The following SLC39A12 variants were observed in gnomAD, a reference collection of about 807,000 sequenced individuals.
SLC39A12 encodes solute carrier family 39 member 12.
A neutral mutation model predicts 71.1 loss-of-function variants in SLC39A12; 63 were observed. That is an observed-to-expected ratio of 0.89 (90% CI 0.72 to 1.09). The LOEUF (loss-of-function observed/expected upper bound fraction) is 1.09. Among genes scored for constraint, SLC39A12 ranks in the 50% least tolerant of loss-of-function variants. The probability of loss-of-function intolerance (pLI) is 0.00; values close to 1 mark genes in which losing one functional copy is unlikely to be tolerated. For missense variants in SLC39A12, 892 were observed against 812.6 expected (o/e 1.10, Z -1.19); for synonymous variants, 351 against 301.3 (o/e 1.16, Z -1.71).
At chr10:18,041,757 GTATACATATGTATACATATGTA>G (rs754301946) in intron 12 of SLC39A12, among the ~76,000 whole-genome samples, 4 of 121,168 alleles carry the variant, frequency 3.3e-5, no homozygotes, top group South Asian at 2.6e-4. Flanking sequence ...GTATATATGT[GTATACATATGTATACATATGTA>G]TATACATATG....
chr10:18,037,289 G>A (rs773948522), intron 12 of SLC39A12, among the ~76,000 whole-genome samples: 2 of 152,168 alleles, frequency 1.3e-5, no homozygotes, highest in African/African-American at 2.4e-5. Flanking sequence ...ATGAAGTGCA[G>A]TGACATTTTT....
rs1305003917 is a variant in SLC39A12 at position 17,953,485 on chromosome 10, A to G, written c.209A>G (p.Glu70Gly). ...AGAAGCCTCATCAAAACATTGTTGG[A>G]GAAAACTGGGTGCCCACGGAGGAGA... ...HSRSLIKTLL[E>G]KTGCPRRRNG... Residue 70 changes from glutamate (E) to glycine (G), a missense_variant, in exon 2 of 13, where the codon GAG (glutamate) becomes GGG (glycine). Coordinates refer to ENST00000377369, the MANE Select transcript of SLC39A12 (RefSeq NM_001145195.2). 6.2e-7 allele frequency: 1 copy of G among 1,614,236 alleles called. No homozygotes were observed. The highest frequency in any genetic ancestry group is 2.2e-5 in the East Asian group (1 of 44,878).
At chr10:18,038,008 G>A (rs938044943) in intron 12 of SLC39A12, among the ~76,000 whole-genome samples, 13 of 101,186 alleles carry the variant, frequency 1.3e-4, no homozygotes, top group East Asian at 3.3e-4. Context: ...GACAGAGTGA[G>A]CCTCCATCTC....
At chr10:17,955,654 A>G (rs145553078) in intron 2 of SLC39A12, among the ~76,000 whole-genome samples, 2,900 of 152,296 alleles carry the variant, frequency 0.019, 66 homozygotes, top group Non-Finnish European at 0.022. Flanking sequence ...AAAAGAGGGA[A>G]GTAGGTATCT....
rs1836917603 is a variant in SLC39A12, at chr10:18,033,685, T to C, written c.1948-9020T>C. ...CTCTGATTTTAGTTATTTCTTGCCT[T>C]CTGCTAGCTTTTGAATGTGTTTGCT... On this transcript the variant is annotated intron_variant, in intron 12 of 12. Coordinates refer to ENST00000377369, the MANE Select transcript of SLC39A12 (RefSeq NM_001145195.2). Among the ~76,000 whole-genome samples, 4 of 143,294 alleles carry C rather than the reference T, an allele frequency of 2.8e-5. No individual in the cohort carries two copies. In the South Asian group the frequency reaches 6.9e-4, roughly 25 times the overall value. 94.0% of individuals were successfully genotyped at this position (143,294 alleles called of 152,430 possible). A position where few individuals can be genotyped will look rare whatever the true frequency, so the allele number is the denominator to read the frequency against.
Position 17,993,185 on chromosome 10 carries a change from G to A in SLC39A12, c.1427G>A (p.Gly476Asp). The A allele has an allele frequency of 1.3e-6, 2 of 1,550,302 alleles. No homozygotes were observed. Among genetic ancestry groups the A allele is most frequent in the Non-Finnish European group, 1.7e-6 (2 of 1,145,958 alleles). The change falls in exon 9 of 13, where the codon GGC (glycine) becomes GAC (aspartate). Residue 476 changes from glycine to aspartate, a missense_variant. Coordinates refer to ENST00000377369, the MANE Select transcript of SLC39A12 (RefSeq NM_001145195.2). ...ILLVSPNDKQ[G>D]LSLVNGHVGH... Reference sequence around the variant, plus strand: ...TTTTAAACCATCCTCATCCAGCAGGGCCTGTCATTGGTTAATGGGCACGTG... The same window carrying A: ...TTTTAAACCATCCTCATCCAGCAGGACCTGTCATTGGTTAATGGGCACGTG...
chr10:18,018,931 C>T (rs986432476), intron 12 of SLC39A12, among the ~76,000 whole-genome samples: 3 of 152,082 alleles, frequency 2.0e-5, no homozygotes, highest in African/African-American at 7.2e-5. Context: ...ATTCCTTCTA[C>T]TTCTATCTTC....
chr10:18,032,846 G>A (rs1836888768), intron 12 of SLC39A12, among the ~76,000 whole-genome samples: 1 of 143,162 alleles, frequency 7.0e-6, no homozygotes, highest in Non-Finnish European at 1.5e-5. Flanking sequence ...TTTATTGAGA[G>A]TTTTTAGCAT....
intron 12 of SLC39A12, among the ~76,000 whole-genome samples, chr10:18,019,588 C>T (rs2130873149): frequency 6.6e-6 from 1 of 152,136 alleles, no homozygotes; most frequent in African/African-American, 2.4e-5. Context: ...TTATCTCACA[C>T]ATTTTGATAA....
chr10:17,995,508 TG>T, intron 9 of SLC39A12, 147 bp from the exon 10 acceptor site: 2 of 656,634 alleles, frequency 3.0e-6, no homozygotes. Flanking sequence ...CTCTACATTG[TG>T]TGTGTCTATG....
chr10:17,973,507 A>C (rs1683552993), intron 4 of SLC39A12, among the ~76,000 whole-genome samples: 1 of 152,112 alleles, frequency 6.6e-6, no homozygotes, highest in African/African-American at 2.4e-5. Context: ...CACAGGATAT[A>C]CTATTCTAGG....
intron 3 of SLC39A12, among the ~76,000 whole-genome samples, chr10:17,963,220 T>G (rs1466607390): frequency 6.6e-6 from 1 of 152,068 alleles, no homozygotes; most frequent in Non-Finnish European, 1.5e-5. Context: ...TACAGAACTG[T>G]TTTCTACCTA....
At chr10:17,976,097 C>T (rs1835102512) in intron 4 of SLC39A12, among the ~76,000 whole-genome samples, 2 of 152,124 alleles carry the variant, frequency 1.3e-5, no homozygotes, top group African/African-American at 4.8e-5. Flanking sequence ...CTCTTCAGTG[C>T]CTATTTCAGT....
In SLC39A12 at chr10:18,036,785, TATA is replaced by T. The variant is rs1447227305; in HGVS notation, c.1948-5919_1948-5917del. On this transcript the variant is annotated intron_variant, in intron 12 of 12. Coordinates refer to ENST00000377369, the MANE Select transcript of SLC39A12 (RefSeq NM_001145195.2). The stretch of plus-strand genomic sequence containing the variant: ...ATATATATATATATATATATATATA[TATA>T]TATATATTTTTTTTTTTAATGGAAT... 2.2e-3 allele frequency among the ~76,000 whole-genome samples: 27 copies of T among 12,550 alleles called. 2 individuals carry two copies. Among genetic ancestry groups the T allele is most frequent in the South Asian group, 0.019 (13 of 688 alleles). The allele number at this position is 12,550 out of a possible 152,430, so 8.2% of individuals were successfully genotyped here.
chr10:18,022,671 G>A (rs985911729), intron 12 of SLC39A12, among the ~76,000 whole-genome samples: 1 of 152,092 alleles, frequency 6.6e-6, no homozygotes, highest in Non-Finnish European at 1.5e-5. Context: ...CATTACTGGG[G>A]AGCTAGTGTG....
chr10:17,970,546 G>A (rs531856040), intron 4 of SLC39A12, among the ~76,000 whole-genome samples: 4 of 151,960 alleles, frequency 2.6e-5, no homozygotes, highest in South Asian at 4.2e-4. Context: ...TGTGGCTATT[G>A]TAAATGGGAT....
intron 2 of SLC39A12, among the ~76,000 whole-genome samples, chr10:17,955,522 T>C (rs1381436226): frequency 6.6e-6 from 1 of 152,194 alleles, no homozygotes; most frequent in Non-Finnish European, 1.5e-5. Flanking sequence ...GAGCTTCAGC[T>C]TGTGGCCGAG....
At chr10:17,972,646 A>G (rs1289845217) in intron 4 of SLC39A12, among the ~76,000 whole-genome samples, 1 of 152,120 alleles carries the variant, frequency 6.6e-6, no homozygotes, top group Non-Finnish European at 1.5e-5. Context: ...ATATAAGGAT[A>G]GTGACTCCTG....
At chr10:17,960,213 C>T (rs1554848206) in intron 2 of SLC39A12, among the ~76,000 whole-genome samples, 4 of 152,184 alleles carry the variant, frequency 2.6e-5, no homozygotes, top group Admixed American at 1.3e-4. Flanking sequence ...TAGTAAAGTT[C>T]GTTTGTATAG....
Sources: gnomAD v4.1 joint callset for allele counts (sites outside exome capture counted in the v4.1 genomes callset) on GRCh38, gnomAD v4.1.1 for gene constraint, MANE v1.5 for transcripts, NCBI Gene and HGNC (gene_info 2026-07-23, HGNC 2026-07-21) for gene names.